Variants in MINDY4 observed in about 807,000 individuals in gnomAD.
MINDY4 encodes the protein MINDY lysine 48 deubiquitinase 4, also known as probable ubiquitin carboxyl-terminal hydrolase MINDY-4.
A neutral mutation model predicts 87.0 loss-of-function variants in MINDY4; 68 were observed. The observed-to-expected ratio is 0.78, with a 90% confidence interval of 0.64 to 0.96. MINDY4 has a LOEUF of 0.96. Among genes scored for constraint, MINDY4 ranks in the 40% least tolerant of loss-of-function variants. The pLI is 0.00. For missense variants in MINDY4, 919 were observed against 928.2 expected, an observed-to-expected ratio of 0.99 and a Z score of 0.13; for synonymous variants, 379 against 363.2, an observed-to-expected ratio of 1.04 and a Z score of -0.50.
At chr7:30,882,808 G>T in intron 16 of MINDY4, 113 bp from the exon 17 acceptor site, 1 of 874,298 alleles carries the variant, frequency 1.1e-6, no homozygotes, top group Non-Finnish European at 1.9e-6. Context: ...AGTTGAGATG[G>T]AGAGGAGGGG....
chr7:30,882,880 G>C, intron 16 of MINDY4, 41 bp from the exon 17 acceptor site: 1 of 1,596,338 alleles, frequency 6.3e-7, no homozygotes, highest in Non-Finnish European at 8.6e-7. Context: ...GTGAGTGCAG[G>C]GCCCTGGGTG....
chr7:30,828,791 G>A (rs1361618554), intron 6 of MINDY4, 54 bp downstream of exon 6: 28 of 1,579,088 alleles, frequency 1.8e-5, no homozygotes, highest in Non-Finnish European at 2.2e-5. Flanking sequence ...AGGGGTCCTC[G>A]TTGGCTCTGT....
In MINDY4 at chr7:30,771,561, C is replaced by T. The variant is rs541258040; in HGVS notation, c.63+5C>T. ...AGGGAGTTCCTCAGCAGAAAGGTAACGGCTCGCCCCCTCCAAAGCCCAGGA... is the reference window on the plus strand; with the variant it reads ...AGGGAGTTCCTCAGCAGAAAGGTAATGGCTCGCCCCCTCCAAAGCCCAGGA... On this transcript the variant is annotated splice_donor_5th_base_variant and intron_variant, in intron 1 of 17. Transcript: ENST00000265299. The T allele has an allele frequency of 6.3e-7, 1 of 1,591,446 alleles. No individual in the cohort carries two copies. Among genetic ancestry groups the T allele is most frequent in the Non-Finnish European group, 8.5e-7 (1 of 1,170,102 alleles).
chr7:30,883,142 T>C, intron 17 of MINDY4, 149 bp downstream of exon 17: 1 of 752,900 alleles, frequency 1.3e-6, no homozygotes, highest in South Asian at 1.7e-5. Flanking sequence ...CACAGGTTTC[T>C]CCACTCGTGG....
intron 12 of MINDY4, among the ~76,000 whole-genome samples, chr7:30,854,580 C>T (rs1377360450): frequency 6.6e-6 from 1 of 152,170 alleles, no homozygotes; most frequent in African/African-American, 2.4e-5. Flanking sequence ...CTTGCCTTCC[C>T]TTTGACCTTC....
Position 30,806,356 on chromosome 7 carries a change from T to C in MINDY4, c.1073+14782T>C, listed in dbSNP as rs372816083. ...AAAGGCAAAAACTTTTTAGCCTCTT[T>C]TAACTTTTTTAGGATTGTCATAAGG... On this transcript the variant is annotated intron_variant, in intron 5 of 17. Coordinates refer to ENST00000265299, the MANE Select transcript of MINDY4 (RefSeq NM_032222.3). Among the ~76,000 whole-genome samples, 15 of 152,248 alleles carry C rather than the reference T, an allele frequency of 9.9e-5. No individual in the cohort carries two copies. The East Asian group carries it at 2.9e-3, about 29-fold the overall frequency.
At chr7:30,785,073 CTT>C (rs70983391) in intron 3 of MINDY4, among the ~76,000 whole-genome samples, 8 of 141,486 alleles carry the variant, frequency 5.7e-5, no homozygotes, top group Non-Finnish European at 7.7e-5. Flanking sequence ...CTCTTGCCTT[CTT>C]TTTTTTTTTT....
intron 5 of MINDY4, among the ~76,000 whole-genome samples, chr7:30,818,297 T>C (rs1181845500): frequency 1.3e-5 from 2 of 152,226 alleles, no homozygotes; most frequent in Non-Finnish European, 2.9e-5. Flanking sequence ...AACTCATGGC[T>C]GATACAGTTG....
Position 30,785,745 on chromosome 7 carries a change from A to G in MINDY4, c.420-4A>G. On this transcript the variant is annotated splice_polypyrimidine_tract_variant and splice_region_variant and intron_variant, in intron 3 of 17. Transcript: ENST00000265299. ...GTTTTAATGGAAATATTCCTTTTTC[A>G]CAGACATGACAATCTTGATGGAGAT... 6.2e-7 allele frequency: 1 copy of G among 1,613,424 alleles called. No homozygotes were observed. Among genetic ancestry groups the G allele is most frequent in the Non-Finnish European group, 8.5e-7 (1 of 1,179,812 alleles).
chr7:30,832,113 T>G (rs544392895), intron 6 of MINDY4, among the ~76,000 whole-genome samples: 48 of 152,316 alleles, frequency 3.2e-4, no homozygotes, highest in African/African-American at 1.1e-3. Context: ...GGAGTTTGCC[T>G]TTTCCAAGGG....
Position 30,881,897 on chromosome 7 carries a change from T to C in MINDY4, c.1972-284T>C, listed in dbSNP as rs565572930. 2.4e-4 allele frequency among the ~76,000 whole-genome samples: 37 copies of C among 152,152 alleles called. No individual in the cohort carries two copies. In the South Asian group the frequency reaches 7.7e-3, roughly 32 times the overall value. On this transcript the variant is annotated intron_variant, in intron 15 of 17. Coordinates refer to ENST00000265299, the MANE Select transcript of MINDY4 (RefSeq NM_032222.3). Reference sequence around the variant, plus strand: ...GAGCTCTTGGATGCAGAATGAGCAGTACTGGGAACCATTAGATGTGGGGGA... The same window carrying C: ...GAGCTCTTGGATGCAGAATGAGCAGCACTGGGAACCATTAGATGTGGGGGA...
intron 7 of MINDY4, among the ~76,000 whole-genome samples, chr7:30,837,079 G>A (rs1788880197): frequency 6.6e-6 from 1 of 152,182 alleles, no homozygotes; most frequent in Non-Finnish European, 1.5e-5. Context: ...AAATGGTCCA[G>A]TTGTCCCCAT....
At position 30,813,496 on chromosome 7, in the gene MINDY4, C is replaced by T. The variant is rs61148851; in HGVS notation, c.1074-15183C>T. 7.0e-3 allele frequency among the ~76,000 whole-genome samples: 1,064 copies of T among 152,272 alleles called. 10 individuals carry two copies. The highest frequency in any genetic ancestry group is 0.025 in the African/African-American group (1,023 of 41,574). ...GAATGCCCTCACCTGCTGGGTTTTC[C>T]ATTCACAGCCACCTGTGCTGAACAG... On this transcript the variant is annotated intron_variant, in intron 5 of 17. Transcript: ENST00000265299.
chr7:30,782,913 A>C (rs909966628), intron 3 of MINDY4, among the ~76,000 whole-genome samples: 2 of 152,184 alleles, frequency 1.3e-5, no homozygotes, highest in African/African-American at 2.4e-5. Flanking sequence ...CATCATTGGG[A>C]TAATCTGCCT....
At chr7:30,884,264 C>G (rs879422977) in intron 17 of MINDY4, among the ~76,000 whole-genome samples, 1 of 152,126 alleles carries the variant, frequency 6.6e-6, no homozygotes, top group Non-Finnish European at 1.5e-5. Context: ...GGAGGAGCGC[C>G]GAGACATCCT....
At chr7:30,865,811 A>G (rs1017136386) in intron 13 of MINDY4, among the ~76,000 whole-genome samples, 1 of 152,122 alleles carries the variant, frequency 6.6e-6, no homozygotes, top group African/African-American at 2.4e-5. Context: ...TGGCAGCATC[A>G]CCTGAGGCTC....
chr7:30,817,240 C>T (rs1455660991), intron 5 of MINDY4, among the ~76,000 whole-genome samples: 1 of 152,024 alleles, frequency 6.6e-6, no homozygotes, highest in African/African-American at 2.4e-5. Context: ...CCAGCTCTAA[C>T]CACAATTCTG....
chr7:30,813,432 T>C (rs944104443), intron 5 of MINDY4, among the ~76,000 whole-genome samples: 3 of 152,190 alleles, frequency 2.0e-5, no homozygotes, highest in African/African-American at 7.2e-5. Context: ...CTTTCCACCG[T>C]TGAGTGGCTG....
intron 9 of MINDY4, among the ~76,000 whole-genome samples, chr7:30,845,337 G>A (rs1182721573): frequency 2.0e-5 from 3 of 152,124 alleles, no homozygotes; most frequent in Admixed American, 6.5e-5. Flanking sequence ...GAAACACTGG[G>A]TCACGTGGGC....
Sources: allele counts gnomAD v4.1 joint callset (sites outside exome capture counted in the v4.1 genomes callset), GRCh38; gene constraint gnomAD v4.1.1; transcripts MANE v1.5; gene names NCBI Gene and HGNC (gene_info 2026-07-23, HGNC 2026-07-21).